Variants in AGA observed in about 807,000 individuals in gnomAD.
AGA encodes the protein aspartylglucosaminidase.
Under a neutral mutation model 40.1 loss-of-function variants are expected in AGA, and 31 were observed. That is an observed-to-expected ratio of 0.77 (90% CI 0.58 to 1.04). The LOEUF is 1.04. Among genes scored for constraint, AGA ranks in the 50% least tolerant of loss-of-function variants. The probability of loss-of-function intolerance (pLI) is 0.00; values close to 1 mark genes in which losing one functional copy is unlikely to be tolerated. For missense variants in AGA, 445 were observed against 435.4 expected, an observed-to-expected ratio of 1.02 and a Z score of -0.20; for synonymous variants, 148 against 144.0, an observed-to-expected ratio of 1.03 and a Z score of -0.20.
intron 6 of AGA, 141 bp downstream of exon 6, chr4:177,436,135 A>G: frequency 1.3e-6 from 1 of 741,866 alleles, no homozygotes; most frequent in Non-Finnish European, 2.4e-6. Context: ...GGCACTCAGC[A>G]GAGAGTACTG....
intron 1 of AGA, among the ~76,000 whole-genome samples, chr4:177,441,675 A>G (rs887241322): frequency 6.6e-6 from 1 of 152,160 alleles, no homozygotes; most frequent in African/African-American, 2.4e-5. Context: ...CAGTTAGATC[A>G]CAGTCACAGG....
Position 177,439,780 on chromosome 4 carries a change from C to T in AGA, c.282-92G>A, listed in dbSNP as rs866992854. 6.5e-5 allele frequency: 61 copies of T among 941,438 alleles called. No individual in the cohort carries two copies. The Middle Eastern group carries it at 1.2e-3, about 19-fold the overall frequency. The allele number at this position is 941,438 out of a possible 1,614,324, so 58.3% of individuals were successfully genotyped here. On this transcript the variant is annotated intron_variant, in intron 2 of 8. Transcript: ENST00000264595. ...CTTTTCTCCAATCAATAGTGTTTTGCGGTTAAACTCCACCATCTTAACACA... is the reference window on the plus strand; with the variant it reads ...CTTTTCTCCAATCAATAGTGTTTTGTGGTTAAACTCCACCATCTTAACACA...
At chr4:177,440,146 G>T in intron 2 of AGA, 127 bp downstream of exon 2, 3 of 1,154,398 alleles carry the variant, frequency 2.6e-6, no homozygotes, top group Non-Finnish European at 3.9e-6. Context: ...GTTTAGAAAG[G>T]TCAAGTATAA....
chr4:177,433,079 A>C, intron 8 of AGA, 135 bp downstream of exon 8: 1 of 1,231,576 alleles, frequency 8.1e-7, no homozygotes, highest in Non-Finnish European at 1.2e-6. Flanking sequence ...TCATCAATGA[A>C]CATTTACTCA....
chr4:177,439,445 G>T, intron 3 of AGA, 131 bp downstream of exon 3: 1 of 772,956 alleles, frequency 1.3e-6, no homozygotes, highest in Non-Finnish European at 2.3e-6. Context: ...TACTTATCCA[G>T]TTCAATAGAT....
rs889589233 is a variant in AGA at position 177,437,326 on chromosome 4, T to C, written c.622+79A>G. On this transcript the variant is annotated intron_variant, in intron 5 of 8. Coordinates refer to ENST00000264595, the MANE Select transcript of AGA (RefSeq NM_000027.4). ...AGTTAAAACAATCAAAATCAACTTC[T>C]GGTAGAAGAATAGGGAAGAGCTACA... 5.1e-6 allele frequency: 5 copies of C among 983,424 alleles called. No homozygotes were observed. The Admixed American group carries it at 9.3e-5, about 18-fold the overall frequency. 60.9% of individuals were successfully genotyped at this position (983,424 alleles called of 1,614,324 possible). A position where few individuals can be genotyped will look rare whatever the true frequency, so the allele number is the denominator to read the frequency against.
chr4:177,442,276 A>G lies in AGA; in HGVS notation c.100T>C (p.Trp34Arg). ...GCTTCGGTTGCATTCTTAAAGGGCC[A>G]AGTGTTGACGACCAGGGGCAGAGGG... ...SSPLPLVVNTWPFKNATEAAW... is the reference protein window; with the variant it reads ...SSPLPLVVNTRPFKNATEAAW... The change falls in exon 1 of 9, where the codon TGG becomes CGG. Residue 34 changes from tryptophan to arginine, a missense_variant. Trp to Arg is a moderately radical substitution (Grantham distance 101). Transcript: ENST00000264595. 1 of 1,614,008 alleles carries G rather than the reference A, an allele frequency of 6.2e-7. No individual in the cohort carries two copies. Among genetic ancestry groups the G allele is most frequent in the Non-Finnish European group, 8.5e-7 (1 of 1,179,916 alleles).
chr4:177,431,742 T>C lies in AGA; in HGVS notation c.1007A>G (p.Asn336Ser). 1 of 1,613,544 alleles carries C rather than the reference T, an allele frequency of 6.2e-7. No individual in the cohort carries two copies. Among genetic ancestry groups the C allele is most frequent in the South Asian group, 1.1e-5 (1 of 91,066 alleles). The change falls in exon 9 of 9, where the codon AAT becomes AGT. Residue 336 changes from asparagine (N) to serine (S), a missense_variant. Physicochemically the swap from Asn to Ser is conservative, Grantham distance 46 (BLOSUM62 1). Coordinates refer to ENST00000264595, the MANE Select transcript of AGA (RefSeq NM_000027.4). ...FSFMVYNSEK[N>S]QPTEEKVDCI The stretch of plus-strand genomic sequence containing the variant: ...GTCCACTTTTTCCTCAGTTGGCTGA[T>C]TTTTTTCGGAATTATAAACCATGAA...
In AGA at chr4:177,439,601, T is replaced by G; in HGVS notation, c.369A>C (p.Thr123=). 3 of 1,613,838 alleles carry G rather than the reference T, an allele frequency of 1.9e-6. No homozygotes were observed. Among genetic ancestry groups the G allele is most frequent in the Non-Finnish European group, 2.5e-6 (3 of 1,179,712 alleles). The part of the protein sequence containing the change: ...GVARKVLEHT[T]HTLLVGESAT... ...CTGACTCTCCTACTAAAAGTGTGTG[T>G]GTTGTATGTTCCAGTACTTTCCGTG... The change falls in exon 3 of 9, where the codon ACA becomes ACC. Residue 123 remains threonine, a synonymous_variant. Transcript: ENST00000264595.
chr4:177,441,058 C>A (rs1198508268), intron 1 of AGA, among the ~76,000 whole-genome samples: 1 of 152,126 alleles, frequency 6.6e-6, no homozygotes, highest in Admixed American at 6.5e-5. Context: ...GAGCCAGGAT[C>A]CCATACATTT....
At chr4:177,441,637 TA>T (rs1357233804) in intron 1 of AGA, among the ~76,000 whole-genome samples, 1 of 152,090 alleles carries the variant, frequency 6.6e-6, no homozygotes, top group African/African-American at 2.4e-5. Flanking sequence ...GGGAGCTTTT[TA>T]AAGAAAAACA....
In AGA at chr4:177,440,027, A is replaced by T. The variant is rs1402706893; in HGVS notation, c.281+246T>A. 3 of 596,326 alleles carry T rather than the reference A, an allele frequency of 5.0e-6. No homozygotes were observed. In the African/African-American group the frequency reaches 5.6e-5, roughly 11 times the overall value. The allele number at this position is 596,326 out of a possible 1,614,324, so 36.9% of individuals were successfully genotyped here. A position where few individuals can be genotyped will look rare whatever the true frequency, so the allele number is the denominator to read the frequency against. On this transcript the variant is annotated intron_variant, in intron 2 of 8. Coordinates refer to ENST00000264595, the MANE Select transcript of AGA (RefSeq NM_000027.4). The stretch of plus-strand genomic sequence containing the variant: ...GATAAATGATTGTTTATAAGGTCAG[A>T]GACATAGTTTTTTAGCTTGGCATTC...
chr4:177,439,744 TA>T lies in AGA; in HGVS notation c.282-57del, dbSNP rs1377568607. ...AAGGAGTTTTCAGAGGTTCATAGAT[TA>T]AAAACATTGCTTTTCTCCAATCAAT... On this transcript the variant is annotated intron_variant, in intron 2 of 8. Coordinates refer to ENST00000264595, the MANE Select transcript of AGA (RefSeq NM_000027.4). 6.2e-6 allele frequency: 8 copies of T among 1,283,668 alleles called. No individual in the cohort carries two copies. In the East Asian group the frequency reaches 1.4e-4, roughly 22 times the overall value. The allele number at this position is 1,283,668 out of a possible 1,614,324, so 79.5% of individuals were successfully genotyped here. A position where few individuals can be genotyped will look rare whatever the true frequency, so the allele number is the denominator to read the frequency against.
chr4:177,437,695 T>C (rs1736871031), intron 4 of AGA, among the ~76,000 whole-genome samples, 176 bp from the exon 5 acceptor site: 1 of 152,150 alleles, frequency 6.6e-6, no homozygotes, highest in Non-Finnish European at 1.5e-5. Context: ...ATAAGATAAA[T>C]AATTTTACTG....
rs1343670978 is a variant in AGA, at chr4:177,440,263, G to C, written c.281+10C>G. ...CAACATAATAAATAGGACCTGAACG[G>C]TGTTCTTACCCATCCATGATCATGG... is the stretch of plus-strand genomic sequence containing the variant. On this transcript the variant is annotated intron_variant, in intron 2 of 8. Coordinates refer to ENST00000264595, the MANE Select transcript of AGA (RefSeq NM_000027.4). The C allele has an allele frequency of 6.2e-7, 1 of 1,613,714 alleles. No individual in the cohort carries two copies. Among genetic ancestry groups the C allele is most frequent in the African/African-American group, 1.3e-5 (1 of 74,922 alleles).
At chr4:177,440,701 C>T (rs951440229) in intron 1 of AGA, among the ~76,000 whole-genome samples, 3 of 150,136 alleles carry the variant, frequency 2.0e-5, no homozygotes, top group African/African-American at 7.4e-5. Flanking sequence ...GTGCGAGAAA[C>T]GAAATCAGTA....
rs536289709 is a variant in AGA, at chr4:177,440,097, T to C, written c.281+176A>G. 4.8e-5 allele frequency: 35 copies of C among 726,726 alleles called. No individual in the cohort carries two copies. In the African/African-American group the frequency reaches 5.4e-4, roughly 11 times the overall value. The allele number at this position is 726,726 out of a possible 1,614,324, so 45.0% of individuals were successfully genotyped here. ...CCTATCTCTCCATGTGATATTTCTATTACTCTGATTTTTTTTTTTCAGTTG... is the reference window on the plus strand; with the variant it reads ...CCTATCTCTCCATGTGATATTTCTACTACTCTGATTTTTTTTTTTCAGTTG... On this transcript the variant is annotated intron_variant, in intron 2 of 8. Coordinates refer to ENST00000264595, the MANE Select transcript of AGA (RefSeq NM_000027.4).
intron 8 of AGA, 48 bp from the exon 9 acceptor site, chr4:177,431,856 T>C: frequency 6.8e-7 from 1 of 1,460,918 alleles, no homozygotes. Flanking sequence ...AGGATGCACA[T>C]ATTTATAACC....
At chr4:177,434,966 C>T (rs975807236) in intron 6 of AGA, among the ~76,000 whole-genome samples, 13 of 151,842 alleles carry the variant, frequency 8.6e-5, no homozygotes, top group South Asian at 4.2e-4. Flanking sequence ...TGGCATTGAT[C>T]TTGGCTCACT....
Sources: allele counts gnomAD v4.1 joint callset (sites outside exome capture counted in the v4.1 genomes callset), GRCh38; gene constraint gnomAD v4.1.1; transcripts MANE v1.5; gene names NCBI Gene and HGNC (gene_info 2026-07-23, HGNC 2026-07-21).